SV2C: variants seen among roughly 807,000 people sequenced by gnomAD.
The protein encoded by SV2C is solute carrier family 22 member B3.
SV2C carries 49 observed loss-of-function variants against 79.7 expected under a neutral mutation model. The observed-to-expected ratio is 0.61, with a 90% CI of 0.49 to 0.78. SV2C has a LOEUF of 0.78. Among genes scored for constraint, SV2C ranks in the 30% least tolerant of loss-of-function variants. SV2C has a pLI of 0.00. For missense variants in SV2C, 833 were observed against 912.9 expected (o/e 0.91, Z 1.13); for synonymous variants, 334 against 333.2 (o/e 1.00, Z -0.03).
chr5:75,861,998 G>A, the SV2C span, among the ~76,000 whole-genome samples: 1 of 152,158 alleles, frequency 6.6e-6, no homozygotes, highest in Non-Finnish European at 1.5e-5. Flanking sequence ...TAAAAAGAGA[G>A]TGGGATTGAA....
intron 1 of SV2C, among the ~76,000 whole-genome samples, chr5:76,089,205 T>C (rs559152048): frequency 6.6e-6 from 1 of 152,162 alleles, no homozygotes; most frequent in African/African-American, 2.4e-5. Context: ...CAGGCCCCAG[T>C]GTGTATTGTT....
rs1431841917 is a variant in SV2C, at chr5:76,330,888, G to C, written c.*5341G>C. On this transcript the variant is annotated 3_prime_UTR_variant, in exon 13 of 13. Coordinates refer to ENST00000502798, the MANE Select transcript of SV2C (RefSeq NM_014979.4). Reference sequence around the variant, plus strand: ...GCGGGGGGGCGGGGGACGGAGTCTCGCTCTATTACTTAGGCCGGAGTGCAG... The same window carrying C: ...GCGGGGGGGCGGGGGACGGAGTCTCCCTCTATTACTTAGGCCGGAGTGCAG... 16 of 148,122 alleles carry C rather than the reference G, an allele frequency of 1.1e-4. No homozygotes were observed. Among genetic ancestry groups the C allele is most frequent in the African/African-American group, 3.5e-4 (14 of 39,802 alleles). The allele number at this position is 148,122 out of a possible 1,614,324, so 9.2% of individuals were successfully genotyped here. A position where few individuals can be genotyped will look rare whatever the true frequency, so the allele number is the denominator to read the frequency against.
chr5:76,259,468 C>G (rs1440431326), intron 4 of SV2C, among the ~76,000 whole-genome samples: 1 of 152,102 alleles, frequency 6.6e-6, no homozygotes, highest in East Asian at 1.9e-4. Context: ...TTCTGGGATA[C>G]ATGTGTTGAA....
chr5:75,957,695 C>T, the SV2C span, among the ~76,000 whole-genome samples: 1 of 152,054 alleles, frequency 6.6e-6, no homozygotes, highest in Non-Finnish European at 1.5e-5. Context: ...GGCAAGTACA[C>T]TGCTTTCCTT....
chr5:76,299,793 A>G (rs1456004546), intron 10 of SV2C, among the ~76,000 whole-genome samples: 1 of 152,198 alleles, frequency 6.6e-6, no homozygotes, highest in Non-Finnish European at 1.5e-5. Context: ...CAGAAGACGA[A>G]CATTTTGTCA....
In SV2C at chr5:76,120,602, G is replaced by C. The variant is rs543833275; in HGVS notation, c.-101-11048G>C. On this transcript the variant is annotated intron_variant, in intron 1 of 12. Transcript: ENST00000502798. Reference sequence around the variant, plus strand: ...CTCATTGTTCAATTCCCATCTATGAGTGAGAACATGCGGTGTTTGGTTTTT... The same window carrying C: ...CTCATTGTTCAATTCCCATCTATGACTGAGAACATGCGGTGTTTGGTTTTT... Among the ~76,000 whole-genome samples, 416 of 142,234 alleles carry C rather than the reference G, an allele frequency of 2.9e-3. 2 individuals carry two copies. Among genetic ancestry groups the C allele is most frequent in the African/African-American group, 8.6e-3 (319 of 37,274 alleles). 93.3% of individuals were successfully genotyped at this position (142,234 alleles called of 152,430 possible).
chr5:75,918,500 G>A, the SV2C span, among the ~76,000 whole-genome samples: 1 of 152,204 alleles, frequency 6.6e-6, no homozygotes, highest in Non-Finnish European at 1.5e-5. Context: ...AAAGCTCCAA[G>A]TTTAGAAATA....
intron 4 of SV2C, among the ~76,000 whole-genome samples, chr5:76,224,000 G>C (rs1410012629): frequency 6.6e-6 from 1 of 152,080 alleles, no homozygotes; most frequent in East Asian, 1.9e-4. Flanking sequence ...CCACCCTTAT[G>C]AGCTCATTTA....
the SV2C span, among the ~76,000 whole-genome samples, chr5:76,017,462 A>G: frequency 6.6e-6 from 1 of 151,922 alleles, no homozygotes; most frequent in Non-Finnish European, 1.5e-5. Context: ...AATTTTTTGT[A>G]TTTTTAGTAG....
chr5:75,870,327 GAATC>G, the SV2C span, among the ~76,000 whole-genome samples: 2 of 151,752 alleles, frequency 1.3e-5, no homozygotes, highest in African/African-American at 4.8e-5. Flanking sequence ...TAATTAAAAA[GAATC>G]AAGCAGAAAT....
the SV2C span, among the ~76,000 whole-genome samples, chr5:75,908,033 T>G: frequency 6.6e-6 from 1 of 152,198 alleles, no homozygotes; most frequent in Non-Finnish European, 1.5e-5. Context: ...TAGGAACAGG[T>G]CAGAGAGGGA....
chr5:75,901,850 C>G, the SV2C span, among the ~76,000 whole-genome samples: 2 of 152,194 alleles, frequency 1.3e-5, no homozygotes, highest in Admixed American at 6.5e-5. Flanking sequence ...GACTGCTGTG[C>G]TAGCAATCAG....
the SV2C span, among the ~76,000 whole-genome samples, chr5:75,899,195 T>C: frequency 2.0e-5 from 3 of 152,246 alleles, no homozygotes; most frequent in Non-Finnish European, 4.4e-5. Context: ...TGCTTTCTCT[T>C]GTGGGCATTT....
At chr5:76,116,001 C>T (rs1267081666) in intron 1 of SV2C, among the ~76,000 whole-genome samples, 2 of 152,230 alleles carry the variant, frequency 1.3e-5, no homozygotes, top group East Asian at 3.8e-4. Context: ...CTTAATTGGG[C>T]TTCTCTTTAA....
At chr5:75,866,988 G>A in the SV2C span, among the ~76,000 whole-genome samples, 152 of 152,264 alleles carry the variant, frequency 1.0e-3, 3 homozygotes, top group East Asian at 0.024. Context: ...TTTCTTGCTG[G>A]AATGCTGAGA....
chr5:76,134,183 T>C (rs947529315), intron 2 of SV2C, among the ~76,000 whole-genome samples: 2 of 152,204 alleles, frequency 1.3e-5, no homozygotes, highest in Non-Finnish European at 2.9e-5. Flanking sequence ...GGAGCACAGA[T>C]ATTCTCATCT....
At chr5:76,013,631 T>G in the SV2C span, among the ~76,000 whole-genome samples, 1 of 152,220 alleles carries the variant, frequency 6.6e-6, no homozygotes, top group South Asian at 2.1e-4. Flanking sequence ...TGCCCAGAAC[T>G]TCCAATGAAA....
At chr5:75,853,177 A>G in the SV2C span, among the ~76,000 whole-genome samples, 2 of 152,212 alleles carry the variant, frequency 1.3e-5, no homozygotes, top group Admixed American at 6.5e-5. Context: ...CCAAAGAGGT[A>G]TAGGCAAAAA....
Position 76,327,137 on chromosome 5 carries a change from C to T in SV2C, c.*1590C>T, listed in dbSNP as rs535300485. On this transcript the variant is annotated 3_prime_UTR_variant, in exon 13 of 13. Transcript: ENST00000502798. The stretch of plus-strand genomic sequence containing the variant: ...ATGTCCTAACTCCCCTGAGGCCCCC[C>T]TGCCTCCCCCTCCCCTTCCTAATGA... 1 of 152,304 alleles carries T rather than the reference C, an allele frequency of 6.6e-6. No individual in the cohort carries two copies. Among genetic ancestry groups the T allele is most frequent in the African/African-American group, 2.4e-5 (1 of 41,552 alleles). 9.4% of individuals were successfully genotyped at this position (152,304 alleles called of 1,614,324 possible).
Sources: gnomAD v4.1 joint callset for allele counts (sites outside exome capture counted in the v4.1 genomes callset) on GRCh38, gnomAD v4.1.1 for gene constraint, MANE v1.5 for transcripts, NCBI Gene and HGNC (gene_info 2026-07-23, HGNC 2026-07-21) for gene names.